Variants in ARSB observed in about 807,000 individuals in gnomAD.
ARSB encodes N-acetylgalactosamine-4-sulfatase.
A neutral mutation model predicts 50.9 loss-of-function variants in ARSB; 41 were observed. That is an observed-to-expected ratio of 0.81 (90% CI 0.63 to 1.04). The LOEUF (loss-of-function observed/expected upper bound fraction) is 1.04, where lower values mean the gene tolerates loss of function less well. Ranked by LOEUF, ARSB falls within the 50% of genes least tolerant of loss-of-function variation. ARSB has a pLI of 0.00. For synonymous variants in ARSB, 269 were observed against 284.8 expected (o/e 0.94, Z 0.56); for missense variants, 672 against 693.3 (o/e 0.97, Z 0.35).
rs1267843236 is a variant in ARSB at position 78,778,603 on chromosome 5, C to T, written c.*1794G>A. 6.6e-6 allele frequency: 1 copy of T among 152,214 alleles called. No homozygotes were observed. Among genetic ancestry groups the T allele is most frequent in the African/African-American group, 2.4e-5 (1 of 41,450 alleles). 9.4% of individuals were successfully genotyped at this position (152,214 alleles called of 1,614,324 possible). On this transcript the variant is annotated 3_prime_UTR_variant, in exon 8 of 8. Coordinates refer to ENST00000264914, the MANE Select transcript of ARSB (RefSeq NM_000046.5). The stretch of plus-strand genomic sequence containing the variant: ...GATTATGCTCCTACCCCAGGAGGGG[C>T]AGCTTGAGAACAGAAAAGCAACAGC...
intron 6 of ARSB, among the ~76,000 whole-genome samples, chr5:78,809,584 T>C (rs966827356): frequency 6.6e-6 from 1 of 152,252 alleles, no homozygotes; most frequent in African/African-American, 2.4e-5. Context: ...CGGCACTTCT[T>C]GCCTTCAGCT....
chr5:78,839,473 G>C (rs768746708), intron 5 of ARSB, 47 bp from the exon 6 acceptor site: 2 of 1,503,404 alleles, frequency 1.3e-6, no homozygotes, highest in Admixed American at 1.7e-5. Flanking sequence ...TCTCTAATGG[G>C]CATGAATTAT....
In ARSB at chr5:78,984,962, C is replaced by T. The variant is rs762736388; in HGVS notation, c.287G>A (p.Ser96Asn). ...YTQPLCTPSR[S>N]QLLTGRYQIR... Reference sequence around the variant, plus strand: ...CTGGTAGCGGCCAGTGAGCAGCTGGCTCCGCGACGGCGTGCACAGCGGCTG... The same window carrying T: ...CTGGTAGCGGCCAGTGAGCAGCTGGTTCCGCGACGGCGTGCACAGCGGCTG... Residue 96 changes from serine to asparagine, a missense_variant, in exon 1 of 8, where the codon AGC becomes AAC. Transcript: ENST00000264914. The T allele has an allele frequency of 2.0e-6, 3 of 1,481,084 alleles. No individual in the cohort carries two copies. The highest frequency in any genetic ancestry group is 4.3e-5 in the Admixed American group (2 of 46,528). The allele number at this position is 1,481,084 out of a possible 1,614,324, so 91.7% of individuals were successfully genotyped here.
intron 6 of ARSB, among the ~76,000 whole-genome samples, chr5:78,830,821 T>G (rs1432031084): frequency 6.6e-6 from 1 of 152,194 alleles, no homozygotes; most frequent in African/African-American, 2.4e-5. Flanking sequence ...AAGGAAAATT[T>G]GACGAGCTGC....
At chr5:78,795,808 A>G (rs960143726) in intron 6 of ARSB, among the ~76,000 whole-genome samples, 1 of 152,216 alleles carries the variant, frequency 6.6e-6, no homozygotes, top group Non-Finnish European at 1.5e-5. Flanking sequence ...TTTCAAATGA[A>G]TCTTAAGTTT....
chr5:78,787,090 C>T (rs901680772), intron 6 of ARSB, among the ~76,000 whole-genome samples: 2 of 140,572 alleles, frequency 1.4e-5, no homozygotes, highest in Non-Finnish European at 3.1e-5. Context: ...AAATCGATAA[C>T]CATCTATCTA....
intron 5 of ARSB, chr5:78,884,785 A>G (rs1312988391): frequency 6.6e-6 from 1 of 152,210 alleles, no homozygotes; most frequent in Non-Finnish European, 1.5e-5. Flanking sequence ...CAAATACAAG[A>G]TTGAAATTTT....
intron 5 of ARSB, among the ~76,000 whole-genome samples, chr5:78,871,288 C>T (rs1181259708): frequency 6.6e-6 from 1 of 152,172 alleles, no homozygotes; most frequent in Non-Finnish European, 1.5e-5. Flanking sequence ...CTACCAATGA[C>T]TTTCTTCACA....
chr5:78,808,897 A>C (rs1743689528), intron 6 of ARSB, among the ~76,000 whole-genome samples: 1 of 152,250 alleles, frequency 6.6e-6, no homozygotes, highest in Admixed American at 6.5e-5. Context: ...CTAGGGCAGC[A>C]CACAGCAAGA....
rs139691148 is a variant in ARSB, at chr5:78,882,595, T to G, written c.1142+2989A>C. The stretch of plus-strand genomic sequence containing the variant: ...GGGTAAGTATATCAAGGTATATCCA[T>G]GCGATTGAATGTGCAGTGACTGAAA... On this transcript the variant is annotated intron_variant, in intron 5 of 7. Coordinates refer to ENST00000264914, the MANE Select transcript of ARSB (RefSeq NM_000046.5). Among the ~76,000 whole-genome samples, 344 of 152,244 alleles carry G rather than the reference T, an allele frequency of 2.3e-3. 2 individuals carry two copies. Among genetic ancestry groups the G allele is most frequent in the East Asian group, 0.015 (78 of 5,180 alleles).
intron 6 of ARSB, among the ~76,000 whole-genome samples, chr5:78,804,803 C>T (rs1294111003): frequency 6.6e-6 from 1 of 152,170 alleles, no homozygotes; most frequent in African/African-American, 2.4e-5. Context: ...TATACCTGTG[C>T]ACGCTGAGGG....
At chr5:78,811,185 G>A (rs115769367) in intron 6 of ARSB, among the ~76,000 whole-genome samples, 2,564 of 152,244 alleles carry the variant, frequency 0.017, 68 homozygotes, top group African/African-American at 0.058. Context: ...GTTAGCCTCC[G>A]TATACTATCC....
chr5:78,957,483 G>A (rs898916875), intron 3 of ARSB, among the ~76,000 whole-genome samples: 2 of 152,186 alleles, frequency 1.3e-5, no homozygotes, highest in Non-Finnish European at 2.9e-5. Flanking sequence ...GCTGCTAAAT[G>A]TCAAAGTCGT....
rs770424910 is a variant in ARSB, at chr5:78,955,435, T to C, written c.758A>G (p.Lys253Arg). 1 of 1,614,170 alleles carries C rather than the reference T, an allele frequency of 6.2e-7. No homozygotes were observed. The highest frequency in any genetic ancestry group is 8.5e-7 in the Non-Finnish European group (1 of 1,180,026). ...EPLQVPEEYL[K>R]PYDFIQDKNR... Reference sequence around the variant, plus strand: ...CTTGTCTTGGATAAAGTCATATGGCTTCAAGTATTCCTCAGGGACCTGAAG... The same window carrying C: ...CTTGTCTTGGATAAAGTCATATGGCCTCAAGTATTCCTCAGGGACCTGAAG... The change falls in exon 4 of 8, where the codon AAG (lysine) becomes AGG (arginine). Residue 253 changes from lysine (K) to arginine (R), a missense_variant. Transcript: ENST00000264914.
intron 6 of ARSB, among the ~76,000 whole-genome samples, chr5:78,817,442 A>G (rs1744038925): frequency 8.6e-6 from 1 of 116,010 alleles, no homozygotes; most frequent in Non-Finnish European, 1.9e-5. Context: ...CAGAATATCT[A>G]CAGTCAGGTC....
At chr5:78,977,014 T>A (rs1252099965) in intron 1 of ARSB, among the ~76,000 whole-genome samples, 1 of 152,210 alleles carries the variant, frequency 6.6e-6, no homozygotes, top group Non-Finnish European at 1.5e-5. Context: ...CATGGCTGAC[T>A]CCCTTCATTC....
intron 5 of ARSB, among the ~76,000 whole-genome samples, chr5:78,864,994 T>C (rs1460047770): frequency 6.6e-6 from 1 of 152,238 alleles, no homozygotes; most frequent in Admixed American, 6.5e-5. Context: ...CCCTCCTGGC[T>C]GCTTTCATGG....
intron 2 of ARSB, among the ~76,000 whole-genome samples, chr5:78,966,732 T>C (rs1752220491): frequency 6.6e-6 from 1 of 152,112 alleles, no homozygotes; most frequent in African/African-American, 2.4e-5. Context: ...TAATAAACAA[T>C]TCAAAATATC....
intron 4 of ARSB, among the ~76,000 whole-genome samples, chr5:78,932,660 T>C (rs761828556): frequency 1.3e-5 from 2 of 152,220 alleles, no homozygotes; most frequent in Non-Finnish European, 2.9e-5. Context: ...GAATGAGTTA[T>C]ATTACTCTCT....
Sources: gnomAD v4.1 joint callset for allele counts (sites outside exome capture counted in the v4.1 genomes callset) on GRCh38, gnomAD v4.1.1 for gene constraint, MANE v1.5 for transcripts, NCBI Gene and HGNC (gene_info 2026-07-23, HGNC 2026-07-21) for gene names.